GXYLT1: variants seen among roughly 807,000 people sequenced by gnomAD.
GXYLT1 encodes glucoside xylosyltransferase 1.
A neutral mutation model predicts 54.0 loss-of-function variants in GXYLT1; 29 were observed. The observed-to-expected ratio is 0.54, with a 90% CI of 0.40 to 0.73. The LOEUF (loss-of-function observed/expected upper bound fraction) is 0.73. Ranked by LOEUF, GXYLT1 falls within the 30% of genes least tolerant of loss-of-function variation. GXYLT1 has a pLI of 0.00. For synonymous variants in GXYLT1, 176 were observed against 204.1 expected, an observed-to-expected ratio of 0.86 and a Z score of 1.17; for missense variants, 490 against 553.4, an observed-to-expected ratio of 0.89 and a Z score of 1.15.
chr12:42,088,250 TA>T (rs1378041025), intron 7 of GXYLT1, among the ~76,000 whole-genome samples: 1 of 151,452 alleles, frequency 6.6e-6, no homozygotes, highest in East Asian at 1.9e-4. Context: ...GTGAAACTAA[TA>T]AAAGGTGGAC....
At chr12:42,124,875 C>T (rs1271683940) in intron 2 of GXYLT1, among the ~76,000 whole-genome samples, 1 of 152,170 alleles carries the variant, frequency 6.6e-6, no homozygotes, top group African/African-American at 2.4e-5. Flanking sequence ...AAGAGGCTCA[C>T]AACGCAAACA....
intron 7 of GXYLT1, among the ~76,000 whole-genome samples, chr12:42,091,429 T>C (rs2065328807): frequency 6.6e-6 from 1 of 152,132 alleles, no homozygotes; most frequent in African/African-American, 2.4e-5. Flanking sequence ...TTTTTAATAC[T>C]CAAAGGAAAC....
At chr12:42,136,948 T>A (rs540030152) in intron 1 of GXYLT1, among the ~76,000 whole-genome samples, 1 of 152,224 alleles carries the variant, frequency 6.6e-6, no homozygotes, top group African/African-American at 2.4e-5. Flanking sequence ...TAATTTTTTG[T>A]ATTTTTGTTG....
At position 42,087,972 on chromosome 12, in the gene GXYLT1, T is replaced by A. The variant is rs759764940; in HGVS notation, c.1162-25A>T. 175 of 1,295,364 alleles carry A rather than the reference T, an allele frequency of 1.4e-4. 1 individual carries two copies. The Middle Eastern group carries it at 2.5e-3, about 18-fold the overall frequency. The allele number at this position is 1,295,364 out of a possible 1,614,324, so 80.2% of individuals were successfully genotyped here. A position where few individuals can be genotyped will look rare whatever the true frequency, so the allele number is the denominator to read the frequency against. ...ACTAGAGAAAGAAAATTTTAAAAAA[T>A]AAAAAATTTAAAAGGCAAAGGTACA... is the stretch of plus-strand genomic sequence containing the variant. On this transcript the variant is annotated intron_variant, in intron 7 of 7. Coordinates refer to ENST00000398675, the MANE Select transcript of GXYLT1 (RefSeq NM_173601.2).
In GXYLT1 at chr12:42,098,050, T is replaced by G; in HGVS notation, c.865-17A>C. The G allele has an allele frequency of 6.2e-7, 1 of 1,603,324 alleles. No homozygotes were observed. The highest frequency in any genetic ancestry group is 8.5e-7 in the Non-Finnish European group (1 of 1,175,798). The stretch of plus-strand genomic sequence containing the variant: ...CATATCATTCTGTTGATAAAAACAT[T>G]CAAAAGAGCTTCAGACTTTCAGGCT... On this transcript the variant is annotated splice_polypyrimidine_tract_variant and intron_variant, in intron 5 of 7. Coordinates refer to ENST00000398675, the MANE Select transcript of GXYLT1 (RefSeq NM_173601.2).
At chr12:42,119,693 G>A (rs1019924636) in intron 2 of GXYLT1, among the ~76,000 whole-genome samples, 5 of 151,620 alleles carry the variant, frequency 3.3e-5, no homozygotes, top group Non-Finnish European at 2.9e-5. Context: ...CTGTAGCCCC[G>A]GCTACTCAGG....
rs1017764424 is a variant in GXYLT1, at chr12:42,098,784, T to TATATATATATATATAA, written c.865-752_865-751insTTATATATATATATAT. On this transcript the variant is annotated intron_variant, in intron 5 of 7. Coordinates refer to ENST00000398675, the MANE Select transcript of GXYLT1 (RefSeq NM_173601.2). ...ACATATATATATATATATATATATA[T>TATATATATATATATAA]AATACATGTGTGTGTATATATACAT... is the stretch of plus-strand genomic sequence containing the variant. 8.0e-4 allele frequency among the ~76,000 whole-genome samples: 108 copies of TATATATATATATATAA among 134,390 alleles called. No homozygotes were observed. The Middle Eastern group carries it at 0.012, about 15-fold the overall frequency. 88.2% of individuals were successfully genotyped at this position (134,390 alleles called of 152,430 possible). A position where few individuals can be genotyped will look rare whatever the true frequency, so the allele number is the denominator to read the frequency against.
At chr12:42,096,543 T>C (rs924166188) in intron 7 of GXYLT1, among the ~76,000 whole-genome samples, 1 of 152,142 alleles carries the variant, frequency 6.6e-6, no homozygotes, top group African/African-American at 2.4e-5. Flanking sequence ...TAAACATCAA[T>C]ATATGTGCAA....
intron 1 of GXYLT1, among the ~76,000 whole-genome samples, chr12:42,136,646 A>G (rs1165920680): frequency 6.6e-6 from 1 of 152,084 alleles, no homozygotes; most frequent in Non-Finnish European, 1.5e-5. Flanking sequence ...TCCTAATCCT[A>G]ATTTTGGGGG....
At chr12:42,097,083 G>A (rs1428111925) in intron 7 of GXYLT1, among the ~76,000 whole-genome samples, 1 of 151,998 alleles carries the variant, frequency 6.6e-6, no homozygotes. Context: ...CCATATGGAT[G>A]GCAGATTAAT....
intron 2 of GXYLT1, among the ~76,000 whole-genome samples, chr12:42,121,743 C>T (rs972507292): frequency 2.0e-5 from 3 of 152,076 alleles, no homozygotes; most frequent in Admixed American, 1.3e-4. Context: ...ACTGCCAGCA[C>T]TCCTTTCACC....
chr12:42,139,956 C>T (rs1450782061), intron 1 of GXYLT1, among the ~76,000 whole-genome samples: 1 of 151,816 alleles, frequency 6.6e-6, no homozygotes, highest in African/African-American at 2.4e-5. Context: ...CCGAGGTGGG[C>T]GGATCATAAG....
rs147662397 is a variant in GXYLT1, at chr12:42,129,525, T to C, written c.314+234A>G. ...CCAAAAGTTAGATCATAAATTCTCT[T>C]AAGAACAGTGGTTTGTCTTAATAAC... On this transcript the variant is annotated intron_variant, in intron 2 of 7. Coordinates refer to ENST00000398675, the MANE Select transcript of GXYLT1 (RefSeq NM_173601.2). Among the ~76,000 whole-genome samples the C allele has an allele frequency of 7.5e-3, 1,140 of 152,230 alleles. 17 individuals are homozygous for C. The highest frequency in any genetic ancestry group is 0.026 in the African/African-American group (1,072 of 41,520).
intron 3 of GXYLT1, among the ~76,000 whole-genome samples, chr12:42,114,899 G>A (rs1029309139): frequency 1.2e-4 from 18 of 151,920 alleles, no homozygotes; most frequent in South Asian, 4.2e-4. Flanking sequence ...CTGGCAAACC[G>A]AATCCAGCAG....
In GXYLT1 at chr12:42,087,855, G is replaced by A; in HGVS notation, c.1254C>T (p.Tyr418=). Reference sequence around the variant, plus strand: ...TTGCTAGTTGTTTGATAAATATTTTGTAAATTTTTCCACAGTATGTATGCA... The same window carrying A: ...TTGCTAGTTGTTTGATAAATATTTTATAAATTTTTCCACAGTATGTATGCA... ...KTVHTYCGKI[Y]KIFIKQLAKS... is the part of the protein sequence containing the mutation. The change falls in exon 8 of 8, where the codon TAC becomes TAT. Residue 418 remains tyrosine, a synonymous_variant. Coordinates refer to ENST00000398675, the MANE Select transcript of GXYLT1 (RefSeq NM_173601.2). The A allele has an allele frequency of 6.2e-7, 1 of 1,604,558 alleles. No individual in the cohort carries two copies. Among genetic ancestry groups the A allele is most frequent in the Non-Finnish European group, 8.5e-7 (1 of 1,173,966 alleles).
At chr12:42,139,854 T>A (rs535868256) in intron 1 of GXYLT1, among the ~76,000 whole-genome samples, 30 of 152,178 alleles carry the variant, frequency 2.0e-4, no homozygotes, top group African/African-American at 7.0e-4. Flanking sequence ...GTTCACTGAC[T>A]CAACTCTCTT....
rs1393197073 is a variant in GXYLT1, at chr12:42,087,144, T to C, written c.*642A>G. ...CACACACAAACACGCACACACAGAT[T>C]AAAATCCCAAAGTTTTCACTATTTT... On this transcript the variant is annotated 3_prime_UTR_variant, in exon 8 of 8. Coordinates refer to ENST00000398675, the MANE Select transcript of GXYLT1 (RefSeq NM_173601.2). 1 of 141,766 alleles carries C rather than the reference T, an allele frequency of 7.1e-6. No homozygotes were observed. Among genetic ancestry groups the C allele is most frequent in the Non-Finnish European group, 1.5e-5 (1 of 64,520 alleles). The allele number at this position is 141,766 out of a possible 1,614,324, so 8.8% of individuals were successfully genotyped here. A position where few individuals can be genotyped will look rare whatever the true frequency, so the allele number is the denominator to read the frequency against.
At chr12:42,107,428 C>T (rs1282386353) in intron 4 of GXYLT1, among the ~76,000 whole-genome samples, 1 of 152,132 alleles carries the variant, frequency 6.6e-6, no homozygotes, top group East Asian at 1.9e-4. Context: ...TGGTGGCTCA[C>T]GCCTGTAATC....
chr12:42,135,282 T>C (rs546198849), intron 1 of GXYLT1, among the ~76,000 whole-genome samples: 7 of 152,324 alleles, frequency 4.6e-5, no homozygotes, highest in African/African-American at 1.4e-4. Flanking sequence ...AGCAAAGTCA[T>C]AGCCATAGAC....
Sources: gnomAD v4.1 joint callset for allele counts (sites outside exome capture counted in the v4.1 genomes callset) on GRCh38, gnomAD v4.1.1 for gene constraint, MANE v1.5 for transcripts, NCBI Gene and HGNC (gene_info 2026-07-23, HGNC 2026-07-21) for gene names.